Variants in SRC observed in about 807,000 individuals in gnomAD.
The protein encoded by SRC is SRC proto-oncogene, non-receptor tyrosine kinase.
In SRC, 13 loss-of-function variants were observed where a neutral mutation model predicts 62.9. The observed-to-expected ratio is 0.21, with a 90% CI of 0.13 to 0.33. The LOEUF (loss-of-function observed/expected upper bound fraction) is 0.33, where lower values mean the gene tolerates loss of function less well. Among genes scored for constraint, SRC ranks in the 10% least tolerant of loss-of-function variants. The pLI, the probability that SRC is intolerant of heterozygous loss-of-function variation, is 1.00. For synonymous variants in SRC, 302 were observed against 317.5 expected (o/e 0.95, Z 0.52); for missense variants, 457 against 737.3 (o/e 0.62, Z 4.40).
chr20:37,370,787 C>T (rs577392507), intron 2 of SRC, among the ~76,000 whole-genome samples: 5 of 152,082 alleles, frequency 3.3e-5, no homozygotes, highest in South Asian at 4.2e-4. Flanking sequence ...GGGGTAATAC[C>T]GGCTTCAGAA....
At chr20:37,394,470 G>T (rs1299244516) in intron 7 of SRC, among the ~76,000 whole-genome samples, 193 bp downstream of exon 7, 1 of 152,206 alleles carries the variant, frequency 6.6e-6, no homozygotes, top group African/African-American at 2.4e-5. Flanking sequence ...CAGATGTCCA[G>T]AGAAAGATGA....
intron 5 of SRC, among the ~76,000 whole-genome samples, chr20:37,389,182 G>A (rs774806570): frequency 6.6e-5 from 10 of 152,170 alleles, no homozygotes; most frequent in Non-Finnish European, 1.0e-4. Flanking sequence ...GGCCCTGGGT[G>A]TGAGGAAGCC....
intron 5 of SRC, chr20:37,393,637 A>T (rs1246038363): frequency 1.2e-5 from 5 of 401,226 alleles, no homozygotes; most frequent in Middle Eastern, 1.4e-3. Flanking sequence ...GCCTCAGATG[A>T]CCAAGGCCAG....
At chr20:37,394,491 C>T (rs1489003726) in intron 7 of SRC, among the ~76,000 whole-genome samples, 1 of 152,164 alleles carries the variant, frequency 6.6e-6, no homozygotes, top group African/African-American at 2.4e-5. Flanking sequence ...GGCTTAGTCT[C>T]TCTGGCCTCA....
At chr20:37,359,079 C>T (rs1200285586) in intron 1 of SRC, among the ~76,000 whole-genome samples, 2 of 152,238 alleles carry the variant, frequency 1.3e-5, no homozygotes, top group African/African-American at 4.8e-5. Flanking sequence ...TGCTTCTGCC[C>T]TGTGTAAGCC....
At chr20:37,357,261 A>G (rs1007297015) in intron 1 of SRC, among the ~76,000 whole-genome samples, 2 of 152,200 alleles carry the variant, frequency 1.3e-5, no homozygotes, top group African/African-American at 4.8e-5. Context: ...GTGGGAAACG[A>G]AAGTCGGGCT....
chr20:37,389,480 A>G (rs1261429785), intron 5 of SRC, among the ~76,000 whole-genome samples: 2 of 151,910 alleles, frequency 1.3e-5, no homozygotes, highest in African/African-American at 4.8e-5. Context: ...TGCTGGCTTC[A>G]CCCCTGCCTC....
At chr20:37,363,297 C>T (rs547945922) in intron 1 of SRC, among the ~76,000 whole-genome samples, 19 of 152,320 alleles carry the variant, frequency 1.2e-4, no homozygotes, top group Admixed American at 7.8e-4. Flanking sequence ...CGGGCCCCCT[C>T]GTGCCTAGGC....
In SRC at chr20:37,351,133, C is replaced by G. The variant is rs1307113460; in HGVS notation, c.-247+4878C>G. Among the ~76,000 whole-genome samples the G allele has an allele frequency of 6.6e-6, 1 of 152,254 alleles. No homozygotes were observed. Among genetic ancestry groups the G allele is most frequent in the African/African-American group, 2.4e-5 (1 of 41,466 alleles). On this transcript the variant is annotated intron_variant, in intron 1 of 13. Coordinates refer to ENST00000373578, the MANE Select transcript of SRC (RefSeq NM_198291.3). This position sits in a 1 kb window ranked among gnomAD's most constrained non-coding sequence, Gnocchi z 4.4. ...TCAGAGCTGGGAGCCAGACCTCCAT[C>G]TCCCTACTCCTTGCTCTGGGTCCTT...
intron 2 of SRC, among the ~76,000 whole-genome samples, chr20:37,377,876 TTTTTTAA>T (rs1005366429): frequency 2.6e-5 from 4 of 152,060 alleles, no homozygotes; most frequent in African/African-American, 9.7e-5. Context: ...TTTTTAAAGT[TTTTTTAA>T]TTTTTAATTT....
intron 1 of SRC, among the ~76,000 whole-genome samples, chr20:37,358,873 G>A (rs1046060333): frequency 2.0e-5 from 3 of 152,258 alleles, no homozygotes; most frequent in African/African-American, 4.8e-5. Flanking sequence ...TGGCAGAGCC[G>A]GTTTGAGTCT....
rs1242378998 is a variant in SRC, at chr20:37,384,543, C to CGGGGGGGGGGGG, written c.250+146_250+147insGGGGGGGGGGGG. Reference sequence around the variant, plus strand: ...AGCGCCCCTGGGTGACTTGGGTGTCCGGGGGGTGGGGGGGCGGCCGTACAC... The same window carrying CGGGGGGGGGGGG: ...AGCGCCCCTGGGTGACTTGGGTGTCCGGGGGGGGGGGGGGGGGGTGGGGGGGCGGCCGTACAC... On this transcript the variant is annotated intron_variant, in intron 4 of 13. Coordinates refer to ENST00000373578, the MANE Select transcript of SRC (RefSeq NM_198291.3). This position sits in a 1 kb window ranked among gnomAD's most constrained non-coding sequence, Gnocchi z 6.7. 6.3e-6 allele frequency: 1 copy of CGGGGGGGGGGGG among 159,484 alleles called. No homozygotes were observed. The allele number at this position is 159,484 out of a possible 1,614,324, so 9.9% of individuals were successfully genotyped here.
At chr20:37,356,999 G>C (rs967519237) in intron 1 of SRC, among the ~76,000 whole-genome samples, 1 of 152,202 alleles carries the variant, frequency 6.6e-6, no homozygotes, top group Admixed American at 6.5e-5. Context: ...ATTGTGAAGA[G>C]CTGTGCCAGC....
Position 37,370,750 on chromosome 20 carries a change from GTGA to G in SRC, c.-173+5476_-173+5478del, listed in dbSNP as rs562488354. 4.1e-3 allele frequency among the ~76,000 whole-genome samples: 625 copies of G among 152,054 alleles called. 8 individuals carry two copies. Among genetic ancestry groups the G allele is most frequent in the Middle Eastern group, 0.027 (8 of 294 alleles). The stretch of plus-strand genomic sequence containing the variant: ...CATTGGTCTGTAATTTTCTTTTCTT[GTGA>G]TGTCTTTGTGTGGTTATGGTATCGG... On this transcript the variant is annotated intron_variant, in intron 2 of 13. Transcript: ENST00000373578.
chr20:37,400,523 C>CCA (rs1189003515), intron 10 of SRC, among the ~76,000 whole-genome samples: 1 of 152,078 alleles, frequency 6.6e-6, no homozygotes, highest in Non-Finnish European at 1.5e-5. Context: ...GTAGCTGGGA[C>CCA]CACAGGTGTG....
rs147138150 is a variant in SRC, at chr20:37,398,524, C to T, written c.859+670C>T. On this transcript the variant is annotated intron_variant, in intron 9 of 13. Transcript: ENST00000373578. This position sits in a 1 kb window ranked among gnomAD's most constrained non-coding sequence, Gnocchi z 5.2. ...GGTGGTTTCATCTGAGCCGCATCTC[C>T]ACTCACTCCCACTGCCTCCACGTTC... Among the ~76,000 whole-genome samples, 10 of 152,358 alleles carry T rather than the reference C, an allele frequency of 6.6e-5. No homozygotes were observed. The East Asian group carries it at 1.9e-3, about 29-fold the overall frequency.
At chr20:37,358,823 C>G (rs141710508) in intron 1 of SRC, among the ~76,000 whole-genome samples, 1 of 152,260 alleles carries the variant, frequency 6.6e-6, no homozygotes, top group Non-Finnish European at 1.5e-5. Context: ...CCATGTCTGC[C>G]GGTGTCCGCC....
chr20:37,379,192 G>C (rs752199918), intron 2 of SRC, among the ~76,000 whole-genome samples: 1 of 152,166 alleles, frequency 6.6e-6, no homozygotes, highest in Admixed American at 6.5e-5. Context: ...CCACGGTGAG[G>C]AGTGGCTTCC....
chr20:37,353,660 G>C (rs776457313), intron 1 of SRC, among the ~76,000 whole-genome samples: 29 of 152,274 alleles, frequency 1.9e-4, no homozygotes, highest in South Asian at 4.1e-4. Context: ...TTTCACCAAA[G>C]AGGAAGCTCA....
Sources: gnomAD v4.1 joint callset for allele counts (sites outside exome capture counted in the v4.1 genomes callset) on GRCh38, gnomAD v4.1.1 for gene constraint, Gnocchi (gnomAD v3.1) non-coding constraint, MANE v1.5 for transcripts, NCBI Gene and HGNC (gene_info 2026-07-23, HGNC 2026-07-21) for gene names.